The following SYNJ1 variants were observed in gnomAD, a reference collection of about 807,000 sequenced individuals.
The protein encoded by SYNJ1 is polyphosphatidylinositol phosphatase SYNJ1.
In SYNJ1, 78 loss-of-function variants were observed where a neutral mutation model predicts 168.2. The observed-to-expected ratio is 0.46, with a 90% CI of 0.39 to 0.56. The LOEUF (loss-of-function observed/expected upper bound fraction) is 0.56, where lower values mean the gene tolerates loss of function less well. SYNJ1 is among the 20% of genes least tolerant of loss of function. The pLI, the probability that SYNJ1 is intolerant of heterozygous loss-of-function variation, is 0.00. For missense variants in SYNJ1, 1,303 were observed against 1,597.6 expected, an observed-to-expected ratio of 0.82 and a Z score of 3.14; for synonymous variants, 539 against 548.6, an observed-to-expected ratio of 0.98 and a Z score of 0.24.
rs61752550 is a variant in SYNJ1 at position 32,641,897 on chromosome 21, G to C, written c.3587C>G (p.Pro1196Arg). 3.1e-6 allele frequency: 5 copies of C among 1,609,780 alleles called. No homozygotes were observed. The highest frequency in any genetic ancestry group is 4.2e-6 in the Non-Finnish European group (5 of 1,177,764). ...PGPAGYSTAR[P>R]TIPPRAGVIS... ...GGCCCCAGGCGAGGTTTTACCTACC[G>C]GTCTGGCTGTACTGTATCCAGCAGG... Residue 1196 changes from proline to arginine, a missense_variant and splice_region_variant, in exon 29 of 33, where the codon CCG becomes CGG. Physicochemically the swap from Pro to Arg is moderately radical, Grantham distance 103. This residue lies in a region of SYNJ1 where 383 missense variants were observed against 388.8 expected (regional missense o/e 0.99). Transcript: ENST00000674351.
At chr21:32,679,127 G>C (rs2041526176) in intron 11 of SYNJ1, among the ~76,000 whole-genome samples, 1 of 152,058 alleles carries the variant, frequency 6.6e-6, no homozygotes, top group Admixed American at 6.6e-5. Context: ...TTTAAAACAA[G>C]AAAATTCCTT....
chr21:32,719,040 C>T (rs2043122843), intron 2 of SYNJ1, among the ~76,000 whole-genome samples: 1 of 152,308 alleles, frequency 6.6e-6, no homozygotes, highest in East Asian at 1.9e-4. Context: ...GTCATTGGGG[C>T]AGTTATCTTT....
At chr21:32,650,511 C>T (rs1212894019) in intron 22 of SYNJ1, among the ~76,000 whole-genome samples, 165 bp from the exon 23 acceptor site, 4 of 152,186 alleles carry the variant, frequency 2.6e-5, no homozygotes, top group African/African-American at 9.7e-5. Flanking sequence ...AAATTTCAAA[C>T]TAGTTTAAAG....
chr21:32,724,928 T>C (rs1439080714), intron 2 of SYNJ1, among the ~76,000 whole-genome samples: 1 of 152,156 alleles, frequency 6.6e-6, no homozygotes, highest in Non-Finnish European at 1.5e-5. Flanking sequence ...CTAATGAAAA[T>C]AGAATAGCTT....
At chr21:32,677,065 G>C (rs968967729) in intron 12 of SYNJ1, among the ~76,000 whole-genome samples, 1 of 152,318 alleles carries the variant, frequency 6.6e-6, no homozygotes, top group South Asian at 2.1e-4. Context: ...GCAGAGTGCA[G>C]CTTGTAATAT....
chr21:32,658,489 G>A (rs1728560433), intron 18 of SYNJ1: 2 of 152,340 alleles, frequency 1.3e-5, no homozygotes, highest in Non-Finnish European at 2.9e-5. Flanking sequence ...ATTCGTTCAT[G>A]TGACCTCATT....
rs911863069 is a variant in SYNJ1 at position 32,628,808 on chromosome 21, A to G, written c.*2997T>C. 6.6e-6 allele frequency: 1 copy of G among 152,648 alleles called. No individual in the cohort carries two copies. Among genetic ancestry groups the G allele is most frequent in the African/African-American group, 2.4e-5 (1 of 41,454 alleles). The allele number at this position is 152,648 out of a possible 1,614,324, so 9.5% of individuals were successfully genotyped here. A position where few individuals can be genotyped will look rare whatever the true frequency, so the allele number is the denominator to read the frequency against. The stretch of plus-strand genomic sequence containing the variant: ...TTCATATGACAGCACGTTTCACAGG[A>G]TATGTACAGAATGTCTGTGTACCAC... On this transcript the variant is annotated 3_prime_UTR_variant, in exon 33 of 33. Transcript: ENST00000674351.
intron 29 of SYNJ1, among the ~76,000 whole-genome samples, chr21:32,640,282 A>C (rs1328247982): frequency 1.3e-5 from 2 of 150,472 alleles, no homozygotes; most frequent in Non-Finnish European, 3.0e-5. Context: ...GGGAAAAAAC[A>C]CCCTGAGATT....
intron 2 of SYNJ1, among the ~76,000 whole-genome samples, chr21:32,707,463 A>G (rs2042655211): frequency 6.6e-6 from 1 of 151,738 alleles, no homozygotes; most frequent in African/African-American, 2.4e-5. Flanking sequence ...ACTACTGAGT[A>G]GTATTAGGAC....
In SYNJ1 at chr21:32,631,139, T is replaced by C. The variant is rs763776246; in HGVS notation, c.*666A>G. Reference sequence around the variant, plus strand: ...ACGGCAACACACAGAAGGAGACATTTGTACCTTTATTCCAGTCATCATTCA... The same window carrying C: ...ACGGCAACACACAGAAGGAGACATTCGTACCTTTATTCCAGTCATCATTCA... On this transcript the variant is annotated 3_prime_UTR_variant, in exon 33 of 33. Coordinates refer to ENST00000674351, the MANE Select transcript of SYNJ1 (RefSeq NM_203446.3). 1.1e-4 allele frequency: 176 copies of C among 1,614,108 alleles called. No homozygotes were observed. The highest frequency in any genetic ancestry group is 1.5e-4 in the Non-Finnish European group (172 of 1,180,056).
Position 32,631,133 on chromosome 21 carries a change from GA to G in SYNJ1, c.*671del. On this transcript the variant is annotated 3_prime_UTR_variant, in exon 33 of 33. Coordinates refer to ENST00000674351, the MANE Select transcript of SYNJ1 (RefSeq NM_203446.3). ...TTCTTGACGGCAACACACAGAAGGA[GA>G]CATTTGTACCTTTATTCCAGTCATC... The G allele has an allele frequency of 6.2e-7, 1 of 1,614,208 alleles. No individual in the cohort carries two copies. The highest frequency in any genetic ancestry group is 8.5e-7 in the Non-Finnish European group (1 of 1,180,040).
chr21:32,666,330 T>C (rs1438683475), intron 16 of SYNJ1, 103 bp downstream of exon 16: 24 of 1,509,526 alleles, frequency 1.6e-5, no homozygotes, highest in African/African-American at 1.4e-5. Flanking sequence ...ACAAGAACTA[T>C]GGATAGTTTT....
At chr21:32,660,013 G>T (rs1227210592) in intron 18 of SYNJ1, among the ~76,000 whole-genome samples, 2 of 152,194 alleles carry the variant, frequency 1.3e-5, no homozygotes, top group Non-Finnish European at 1.5e-5. Context: ...GCAGCGCATG[G>T]CAGGCCCCCA....
intron 18 of SYNJ1, among the ~76,000 whole-genome samples, chr21:32,664,457 G>A (rs1276696910): frequency 4.6e-5 from 7 of 152,124 alleles, no homozygotes; most frequent in South Asian, 2.1e-4. Flanking sequence ...TGACCTAACC[G>A]CTTGTGCTAT....
chr21:32,695,235 T>C lies in SYNJ1; in HGVS notation c.527A>G (p.Asp176Gly). ...LHLKHYGVNC[D>G]DWLLRLMCGG... ...ACACATAAGACGTAATAACCAGTCATCACAATTCACGCCATAGTGTTTGAG... is the reference window on the plus strand; with the variant it reads ...ACACATAAGACGTAATAACCAGTCACCACAATTCACGCCATAGTGTTTGAG... Residue 176 changes from aspartate (D) to glycine (G), a missense_variant, in exon 5 of 33, where the codon GAT (aspartate) becomes GGT (glycine). Around this residue, in one of 2 missense-constraint regions of SYNJ1, gnomAD observed 920 missense variants for 1,208.8 expected, o/e 0.76. Transcript: ENST00000674351. 6.2e-7 allele frequency: 1 copy of C among 1,614,130 alleles called. No homozygotes were observed. The highest frequency in any genetic ancestry group is 8.5e-7 in the Non-Finnish European group (1 of 1,180,012).
chr21:32,720,568 G>A (rs2043184947), intron 2 of SYNJ1, among the ~76,000 whole-genome samples: 1 of 152,198 alleles, frequency 6.6e-6, no homozygotes, highest in Non-Finnish European at 1.5e-5. Flanking sequence ...AAAACCAGGT[G>A]CAGTGATATG....
intron 2 of SYNJ1, among the ~76,000 whole-genome samples, chr21:32,703,173 C>T (rs576909609): frequency 1.3e-5 from 2 of 152,346 alleles, no homozygotes; most frequent in African/African-American, 4.8e-5. Flanking sequence ...GCAGCACAGG[C>T]TAAGACTAAC....
chr21:32,670,229 G>A, intron 15 of SYNJ1, 59 bp downstream of exon 15: 1 of 1,320,234 alleles, frequency 7.6e-7, no homozygotes, highest in Non-Finnish European at 1.1e-6. Context: ...TTAATTATCT[G>A]TCCTCCATAG....
intron 2 of SYNJ1, among the ~76,000 whole-genome samples, chr21:32,711,171 G>A (rs915335034): frequency 1.6e-4 from 25 of 152,162 alleles, no homozygotes; most frequent in Middle Eastern, 3.4e-3. Flanking sequence ...TTAAGCTACT[G>A]GAAGGTGACA....
Sources: gnomAD v4.1 joint callset for allele counts (sites outside exome capture counted in the v4.1 genomes callset) on GRCh38, gnomAD v4.1.1 for gene constraint, gnomAD v4.1.1 regional missense constraint, MANE v1.5 for transcripts, NCBI Gene and HGNC (gene_info 2026-07-23, HGNC 2026-07-21) for gene names.